Variants in MAP3K5 observed in about 807,000 individuals in gnomAD.
MAP3K5 encodes the protein mitogen-activated protein kinase kinase kinase 5, also known as ASK-1.
A neutral mutation model predicts 158.7 loss-of-function variants in MAP3K5; 56 were observed. The ratio of observed to expected loss-of-function variants is 0.35; its 90% CI spans 0.28 to 0.44. MAP3K5 has a LOEUF of 0.44. Among genes scored for constraint, MAP3K5 ranks in the 20% least tolerant of loss-of-function variants. The pLI is 1.00. For missense variants in MAP3K5, 1,294 were observed against 1,674.8 expected (o/e 0.77, Z 3.97); for synonymous variants, 579 against 601.7 (o/e 0.96, Z 0.55).
At chr6:136,761,469 C>T (rs1447886462) in intron 1 of MAP3K5, among the ~76,000 whole-genome samples, 2 of 152,056 alleles carry the variant, frequency 1.3e-5, no homozygotes, top group East Asian at 3.9e-4. Context: ...TGGGAAGAAG[C>T]CAGGAGCCTG....
chr6:136,690,821 A>C (rs964263017), intron 7 of MAP3K5, among the ~76,000 whole-genome samples: 16 of 152,018 alleles, frequency 1.1e-4, no homozygotes, highest in African/African-American at 3.6e-4. Flanking sequence ...TTTCCTATAG[A>C]TCCATTTGGT....
intron 7 of MAP3K5, among the ~76,000 whole-genome samples, chr6:136,685,866 C>T (rs1045039431): frequency 6.6e-6 from 1 of 152,178 alleles, no homozygotes; most frequent in Admixed American, 6.5e-5. Flanking sequence ...GGCCAGATGC[C>T]TGACAACCTC....
rs752749895 is a variant in MAP3K5, at chr6:136,606,350, C to CA, written c.2522-985dup. 1.4e-4 allele frequency among the ~76,000 whole-genome samples: 21 copies of CA among 151,830 alleles called. 1 individual carries two copies. Among genetic ancestry groups the CA allele is most frequent in the East Asian group, 7.7e-4 (4 of 5,174 alleles). ...TGGGCAACAGAGTGAGACTCTGTCTCAAAAAAACAAACAAACAAAAAGAAT... is the reference window on the plus strand; with the variant it reads ...TGGGCAACAGAGTGAGACTCTGTCTCAAAAAAAACAAACAAACAAAAAGAAT... On this transcript the variant is annotated intron_variant, in intron 18 of 29. Transcript: ENST00000359015.
intron 8 of MAP3K5, among the ~76,000 whole-genome samples, chr6:136,667,480 G>A (rs921028617): frequency 1.1e-4 from 16 of 152,114 alleles, no homozygotes; most frequent in African/African-American, 3.9e-4. Context: ...AGCACCTTGG[G>A]AGGCCCAGGT....
At chr6:136,642,006 AAAAT>A (rs1352537560) in intron 12 of MAP3K5, among the ~76,000 whole-genome samples, 20 of 121,778 alleles carry the variant, frequency 1.6e-4, no homozygotes, top group Non-Finnish European at 2.0e-4. Context: ...AAAATAAAAT[AAAAT>A]AAAATAAATA....
At chr6:136,637,655 G>A (rs1006348071) in intron 13 of MAP3K5, among the ~76,000 whole-genome samples, 4 of 85,772 alleles carry the variant, frequency 4.7e-5, no homozygotes, top group African/African-American at 1.8e-4. Context: ...AACTCTTCTT[G>A]TAAAGTTTTT....
Position 136,584,497 on chromosome 6 carries a change from C to A in MAP3K5, c.3226-757G>T, listed in dbSNP as rs149517652. The A allele has an allele frequency of 3.6e-4, 56 of 153,498 alleles. No individual in the cohort carries two copies. The East Asian group carries it at 7.4e-3, about 20-fold the overall frequency. 9.5% of individuals were successfully genotyped at this position (153,498 alleles called of 1,614,324 possible). A position where few individuals can be genotyped will look rare whatever the true frequency, so the allele number is the denominator to read the frequency against. On this transcript the variant is annotated intron_variant, in intron 23 of 29. Transcript: ENST00000359015. ...GATGGCAGCAGGCAAAAAGAGAGAG[C>A]TTGTGCAGGCAAACTCCCATTTTTT...
intron 1 of MAP3K5, among the ~76,000 whole-genome samples, chr6:136,782,055 GA>G (rs376414394): frequency 0.087 from 11,560 of 132,682 alleles, 839 homozygotes; most frequent in African/African-American, 0.21. Flanking sequence ...GTCTCTACTG[GA>G]AAAAAAAAAA....
intron 28 of MAP3K5, among the ~76,000 whole-genome samples, chr6:136,559,283 C>A (rs768480505): frequency 6.6e-6 from 1 of 152,170 alleles, no homozygotes; most frequent in African/African-American, 2.4e-5. Context: ...ACCCGGGAGG[C>A]AGAGGTTGCA....
intron 21 of MAP3K5, chr6:136,593,847 G>C (rs1583238356): frequency 1.2e-5 from 4 of 338,490 alleles, no homozygotes; most frequent in East Asian, 1.5e-4. Flanking sequence ...CTGTTGCCTG[G>C]AATCTCCTTC....
intron 18 of MAP3K5, among the ~76,000 whole-genome samples, chr6:136,610,340 C>T (rs60343153): frequency 5.5e-4 from 83 of 152,172 alleles, no homozygotes; most frequent in African/African-American, 1.9e-3. Flanking sequence ...ACTTGGTCTC[C>T]ACCCTCCCAG....
intron 14 of MAP3K5, among the ~76,000 whole-genome samples, chr6:136,636,202 G>A (rs138286874): frequency 2.3e-4 from 35 of 152,082 alleles, no homozygotes; most frequent in African/African-American, 7.2e-4. Context: ...GGCAGAGCAG[G>A]GTAACATTAG....
At chr6:136,660,764 G>A (rs1418599325) in intron 8 of MAP3K5, among the ~76,000 whole-genome samples, 1 of 152,152 alleles carries the variant, frequency 6.6e-6, no homozygotes, top group African/African-American at 2.4e-5. Context: ...GGAAGATAAG[G>A]CCACTCAAGG....
chr6:136,693,009 A>G (rs1025186848), intron 7 of MAP3K5, among the ~76,000 whole-genome samples: 1 of 152,146 alleles, frequency 6.6e-6, no homozygotes, highest in African/African-American at 2.4e-5. Flanking sequence ...TAATTTGTAC[A>G]CTTTATTCTA....
rs369720845 is a variant in MAP3K5, at chr6:136,738,158, T to C, written c.449-17569A>G. On this transcript the variant is annotated intron_variant, in intron 1 of 29. Transcript: ENST00000359015. ...GCACAATCATTTTTTGGGAACACTT[T>C]TCAGTAAAAACTTTTCTTATTAGGG... Among the ~76,000 whole-genome samples, 37 of 152,288 alleles carry C rather than the reference T, an allele frequency of 2.4e-4. 1 individual carries two copies. In the East Asian group the frequency reaches 4.4e-3, roughly 18 times the overall value.
chr6:136,564,807 G>A (rs1228891042), intron 26 of MAP3K5, among the ~76,000 whole-genome samples: 2 of 152,156 alleles, frequency 1.3e-5, no homozygotes, highest in African/African-American at 4.8e-5. Flanking sequence ...CCTAACTTAG[G>A]AGTATGCGTC....
intron 1 of MAP3K5, among the ~76,000 whole-genome samples, chr6:136,733,696 C>G (rs1782325419): frequency 6.6e-6 from 1 of 150,884 alleles, no homozygotes; most frequent in South Asian, 2.1e-4. Flanking sequence ...CAAAGACATC[C>G]CATATACCTG....
At chr6:136,764,091 C>T (rs536990600) in intron 1 of MAP3K5, among the ~76,000 whole-genome samples, 38 of 152,250 alleles carry the variant, frequency 2.5e-4, no homozygotes, top group South Asian at 2.1e-3. Flanking sequence ...AAGCTACTGC[C>T]CTGCTGATCA....
At chr6:136,702,527 T>C (rs1780898011) in intron 3 of MAP3K5, among the ~76,000 whole-genome samples, 1 of 152,214 alleles carries the variant, frequency 6.6e-6, no homozygotes, top group Admixed American at 6.5e-5. Flanking sequence ...ACAGACACCT[T>C]AAGTGGAACA....
Sources: gnomAD v4.1 joint callset for allele counts (sites outside exome capture counted in the v4.1 genomes callset) on GRCh38, gnomAD v4.1.1 for gene constraint, MANE v1.5 for transcripts, NCBI Gene and HGNC (gene_info 2026-07-23, HGNC 2026-07-21) for gene names.